The following DIAPH3 variants were observed in gnomAD, a reference collection of about 807,000 sequenced individuals.
DIAPH3 encodes protein diaphanous homolog 3.
In DIAPH3, 117 loss-of-function variants were observed where a neutral mutation model predicts 144.3. That is an observed-to-expected ratio of 0.81 (90% CI 0.70 to 0.95). The LOEUF (loss-of-function observed/expected upper bound fraction) is 0.95, where lower values mean the gene tolerates loss of function less well. Among genes scored for constraint, DIAPH3 ranks in the 40% least tolerant of loss-of-function variants. DIAPH3 has a pLI of 0.00. For missense variants in DIAPH3, 1,421 were observed against 1,412.7 expected (o/e 1.01, Z -0.09); for synonymous variants, 519 against 488.9 (o/e 1.06, Z -0.81).
At chr13:59,958,867 C>CTTTTTTTTTTTTTT (rs932649097) in intron 17 of DIAPH3, among the ~76,000 whole-genome samples, 1 of 94,348 alleles carries the variant, frequency 1.1e-5, no homozygotes, top group Non-Finnish European at 2.0e-5. Flanking sequence ...CTTCAATAAA[C>CTTTTTTTTTTTTTT]TTTTTTTTTT....
chr13:59,839,307 A>G lies in DIAPH3; in HGVS notation c.2862+17T>C. The G allele has an allele frequency of 6.2e-7, 1 of 1,612,624 alleles. No individual in the cohort carries two copies. Among genetic ancestry groups the G allele is most frequent in the East Asian group, 2.2e-5 (1 of 44,766 alleles). On this transcript the variant is annotated intron_variant, in intron 23 of 27. Transcript: ENST00000400324. Reference sequence around the variant, plus strand: ...AGTTGACTAGTGACTTAAGTTATTTAGCTATCAAAAGGATATGGACATCTT... The same window carrying G: ...AGTTGACTAGTGACTTAAGTTATTTGGCTATCAAAAGGATATGGACATCTT...
chr13:59,771,959 G>A (rs2038146999), intron 27 of DIAPH3, among the ~76,000 whole-genome samples: 1 of 151,842 alleles, frequency 6.6e-6, no homozygotes, highest in South Asian at 2.1e-4. Flanking sequence ...CATAGCTGTA[G>A]AAAATCTTTT....
chr13:59,906,107 T>C (rs2046722695), intron 20 of DIAPH3, among the ~76,000 whole-genome samples: 1 of 152,184 alleles, frequency 6.6e-6, no homozygotes, highest in South Asian at 2.1e-4. Context: ...GCAATACTAA[T>C]GCACTGCCTT....
At chr13:60,051,836 G>GA (rs1482503026) in intron 4 of DIAPH3, among the ~76,000 whole-genome samples, 2 of 152,130 alleles carry the variant, frequency 1.3e-5, no homozygotes, top group African/African-American at 4.8e-5. Context: ...CATTCTCAGT[G>GA]AAAAAAGCAG....
chr13:59,741,847 T>C (rs7992954), intron 27 of DIAPH3, among the ~76,000 whole-genome samples: 59,627 of 151,928 alleles, frequency 0.39, 12,159 homozygotes, highest in African/African-American at 0.5. Flanking sequence ...ATTTCCTACC[T>C]ATTGCATGGT....
At chr13:60,002,883 G>A (rs768860718) in intron 9 of DIAPH3, among the ~76,000 whole-genome samples, 13 of 152,212 alleles carry the variant, frequency 8.5e-5, no homozygotes, top group Non-Finnish European at 1.6e-4. Flanking sequence ...GATACTCCAG[G>A]AAAGTATGAC....
intron 25 of DIAPH3, among the ~76,000 whole-genome samples, chr13:59,781,795 C>T (rs1225598079): frequency 6.6e-6 from 1 of 152,178 alleles, no homozygotes; most frequent in Non-Finnish European, 1.5e-5. Flanking sequence ...TAGACTTGAT[C>T]TCCAATGTAA....
chr13:60,082,369 G>C (rs1452514884), intron 4 of DIAPH3, among the ~76,000 whole-genome samples: 1 of 147,696 alleles, frequency 6.8e-6, no homozygotes, highest in Non-Finnish European at 1.5e-5. Context: ...GAAAACCAAA[G>C]CAAAAAATTA....
intron 24 of DIAPH3, among the ~76,000 whole-genome samples, chr13:59,822,847 A>G (rs536252857): frequency 6.6e-6 from 1 of 152,260 alleles, no homozygotes; most frequent in African/African-American, 2.4e-5. Flanking sequence ...GTGAGGGTGT[A>G]TGAGAATAAT....
intron 17 of DIAPH3, among the ~76,000 whole-genome samples, chr13:59,925,673 C>A (rs1389380021): frequency 6.6e-6 from 1 of 152,074 alleles, no homozygotes; most frequent in East Asian, 1.9e-4. Context: ...ACAGTGAAGC[C>A]ATCCAGTCTT....
At chr13:60,159,496 G>A (rs893554717) in intron 1 of DIAPH3, among the ~76,000 whole-genome samples, 2 of 151,950 alleles carry the variant, frequency 1.3e-5, no homozygotes, top group Non-Finnish European at 2.9e-5. Flanking sequence ...GTAGTGACAC[G>A]TGCCTGTAAT....
At chr13:59,842,015 C>A (rs2042377606) in intron 22 of DIAPH3, among the ~76,000 whole-genome samples, 1 of 151,888 alleles carries the variant, frequency 6.6e-6, no homozygotes, top group Non-Finnish European at 1.5e-5. Flanking sequence ...TAGAAATTAC[C>A]ATTTTGTTTT....
intron 27 of DIAPH3, among the ~76,000 whole-genome samples, chr13:59,737,067 A>G (rs1200103721): frequency 6.6e-6 from 1 of 152,180 alleles, no homozygotes; most frequent in Non-Finnish European, 1.5e-5. Flanking sequence ...CAACCTAGGC[A>G]ATACCATTCA....
chr13:59,926,725 T>C (rs1452412172), intron 17 of DIAPH3, among the ~76,000 whole-genome samples: 2 of 152,196 alleles, frequency 1.3e-5, no homozygotes, highest in African/African-American at 2.4e-5. Flanking sequence ...TTACAAGTTG[T>C]TGAGACTTGT....
At chr13:60,082,378 T>C (rs575095230) in intron 4 of DIAPH3, among the ~76,000 whole-genome samples, 1 of 146,038 alleles carries the variant, frequency 6.8e-6, no homozygotes, top group Non-Finnish European at 1.5e-5. Flanking sequence ...AGCAAAAAAT[T>C]AGAACACATC....
chr13:59,761,531 A>G (rs758833502), intron 27 of DIAPH3, among the ~76,000 whole-genome samples: 3 of 152,164 alleles, frequency 2.0e-5, no homozygotes, highest in Admixed American at 1.3e-4. Context: ...AATAATTCAG[A>G]AATGTGCTGC....
At chr13:59,834,720 T>C (rs1464580864) in intron 23 of DIAPH3, among the ~76,000 whole-genome samples, 1 of 151,758 alleles carries the variant, frequency 6.6e-6, no homozygotes, top group Non-Finnish European at 1.5e-5. Context: ...CTCCAACTTC[T>C]GTATTCGTCA....
rs112988613 is a variant in DIAPH3, at chr13:59,918,223, AAG to A, written c.2171-1976_2171-1975del. Among the ~76,000 whole-genome samples the A allele has an allele frequency of 3.4e-3, 515 of 150,676 alleles. 4 individuals are homozygous for A. Among genetic ancestry groups the A allele is most frequent in the African/African-American group, 0.011 (457 of 40,976 alleles). ...GGCAGCACAGGAAAAAAAAAAAAAA[AAG>A]AGAGAGAGAGAGAGATACTGTCCAC... On this transcript the variant is annotated intron_variant, in intron 18 of 27. Coordinates refer to ENST00000400324, the MANE Select transcript of DIAPH3 (RefSeq NM_001042517.2).
Position 60,026,730 on chromosome 13 carries a change from C to G in DIAPH3, c.627-10585G>C, listed in dbSNP as rs146155635. Among the ~76,000 whole-genome samples, 1,140 of 152,188 alleles carry G rather than the reference C, an allele frequency of 7.5e-3. 55 individuals are homozygous for G. The highest frequency in any genetic ancestry group is 0.069 in the Admixed American group (1,058 of 15,294). ...GACTTCCTCTGTAGACAAAGTGTCT[C>G]TCTCTCTCTCTCCTCCAAGAAGTTA... On this transcript the variant is annotated intron_variant, in intron 5 of 27. Coordinates refer to ENST00000400324, the MANE Select transcript of DIAPH3 (RefSeq NM_001042517.2).
Sources: gnomAD v4.1 joint callset for allele counts (sites outside exome capture counted in the v4.1 genomes callset) on GRCh38, gnomAD v4.1.1 for gene constraint, MANE v1.5 for transcripts, NCBI Gene and HGNC (gene_info 2026-07-23, HGNC 2026-07-21) for gene names.